SPATA31E1: variants seen among roughly 807,000 people sequenced by gnomAD.
The protein encoded by SPATA31E1 is SPATA31 subfamily E member 1.
In SPATA31E1, 7 loss-of-function variants were observed where a neutral mutation model predicts 12.9. That is an observed-to-expected ratio of 0.54 (90% CI 0.31 to 1.02). SPATA31E1 has a LOEUF of 1.02. Ranked by LOEUF, SPATA31E1 falls within the 50% of genes least tolerant of loss-of-function variation. SPATA31E1 has a pLI of 0.05. For synonymous variants in SPATA31E1, 771 were observed against 719.0 expected (o/e 1.07, Z -1.16); for missense variants, 1,961 against 1,799.8 (o/e 1.09, Z -1.62).
rs1369946226 is a variant in SPATA31E1, at chr9:87,887,057, C to T, written c.2570C>T (p.Pro857Leu). 6.2e-7 allele frequency: 1 copy of T among 1,613,938 alleles called. No individual in the cohort carries two copies. The highest frequency in any genetic ancestry group is 2.2e-5 in the East Asian group (1 of 44,878). ...SWGTDLQSLEPINVWSGEAQA... is the reference protein window; with the variant it reads ...SWGTDLQSLELINVWSGEAQA... ...GGTACAGACCTCCAGTCCCTGGAGC[C>T]CATAAATGTCTGGTCAGGTGAGGCT... is the stretch of plus-strand genomic sequence containing the variant. The change falls in exon 4 of 4, where the codon CCC becomes CTC. Residue 857 changes from proline to leucine, a missense_variant. By Grantham distance (98) the Pro-to-Leu change is moderately conservative. Transcript: ENST00000325643.
Position 87,883,987 on chromosome 9 carries a change from C to T in SPATA31E1, c.310-5C>T, listed in dbSNP as rs776969054. 2 of 1,605,008 alleles carry T rather than the reference C, an allele frequency of 1.2e-6. No individual in the cohort carries two copies. Among genetic ancestry groups the T allele is most frequent in the African/African-American group, 1.3e-5 (1 of 74,860 alleles). On this transcript the variant is annotated splice_region_variant and splice_polypyrimidine_tract_variant and intron_variant, in intron 1 of 3. Transcript: ENST00000325643. The stretch of plus-strand genomic sequence containing the variant: ...CCCAGCCCCTCATCCTTTCTTGCCT[C>T]TCAGCCTCAAAGGGAGAGAAGCGGG...
chr9:87,884,492 C>A, intron 2 of SPATA31E1, 99 bp from the exon 3 acceptor site: 1 of 1,268,988 alleles, frequency 7.9e-7, no homozygotes, highest in Non-Finnish European at 1.1e-6. Flanking sequence ...GCTTCAGGGT[C>A]TAGTCCCCCA....
In SPATA31E1 at chr9:87,887,080, G is replaced by A. The variant is rs148939056; in HGVS notation, c.2593G>A (p.Ala865Thr). Residue 865 changes from alanine to threonine, a missense_variant, in exon 4 of 4, where the codon GCT (alanine) becomes ACT (threonine). Coordinates refer to ENST00000325643, the MANE Select transcript of SPATA31E1 (RefSeq NM_178828.5). ...GCCCATAAATGTCTGGTCAGGTGAG[G>A]CTCAGGCCCCGCCCTTCCCACAATC... ...LEPINVWSGE[A>T]QAPPFPQSTF... is the part of the protein sequence containing the mutation. 8.7e-6 allele frequency: 14 copies of A among 1,613,954 alleles called. No individual in the cohort carries two copies. In the African/African-American group the frequency reaches 1.9e-4, roughly 22 times the overall value.
At position 87,888,142 on chromosome 9, in the gene SPATA31E1, T is replaced by C; in HGVS notation, c.3655T>C (p.Ser1219Pro). 1 of 1,610,196 alleles carries C rather than the reference T, an allele frequency of 6.2e-7. No individual in the cohort carries two copies. The highest frequency in any genetic ancestry group is 1.1e-5 in the South Asian group (1 of 90,814). The change falls in exon 4 of 4, where the codon TCC becomes CCC. Residue 1219 changes from serine (S) to proline (P), a missense_variant. Physicochemically the swap from Ser to Pro is moderately conservative, Grantham distance 74. Coordinates refer to ENST00000325643, the MANE Select transcript of SPATA31E1 (RefSeq NM_178828.5). ...RPRTGEQGHR[S>P]KGPRTSEASG... is the part of the protein sequence containing the mutation. ...CAGAACAGGGGAGCAGGGACACAGG[T>C]CCAAGGGACCCAGGACCTCTGAAGC...
rs760492743 is a variant in SPATA31E1 at position 87,885,128 on chromosome 9, G to A, written c.641G>A (p.Gly214Glu). 6.2e-7 allele frequency: 1 copy of A among 1,613,964 alleles called. No individual in the cohort carries two copies. The highest frequency in any genetic ancestry group is 1.3e-5 in the African/African-American group (1 of 74,894). The change falls in exon 4 of 4, where the codon GGA becomes GAA. Residue 214 changes from glycine to glutamate, a missense_variant. Gly to Glu is a moderately conservative substitution (Grantham distance 98). Coordinates refer to ENST00000325643, the MANE Select transcript of SPATA31E1 (RefSeq NM_178828.5). ...CCGATGACCTTCTCAGAGCCTTTTG[G>A]ACCACACTCAACCCTGAGTGCCTCC... ...PGPMTFSEPF[G>E]PHSTLSASGP... is the part of the protein sequence containing the mutation.
In SPATA31E1 at chr9:87,887,913, C is replaced by T. The variant is rs1215865864; in HGVS notation, c.3426C>T (p.Asp1142=). The T allele has an allele frequency of 1.2e-6, 2 of 1,613,906 alleles. No homozygotes were observed. Among genetic ancestry groups the T allele is most frequent in the East Asian group, 2.2e-5 (1 of 44,878 alleles). ...GRHMDMLTAA[D]RLPTQAPLST... is the part of the protein sequence containing the mutation. ...ACATGGACATGCTCACTGCCGCAGA[C>T]AGGCTGCCCACTCAAGCCCCTCTGT... Residue 1142 remains aspartate (D), a synonymous_variant, in exon 4 of 4, where the codon GAC becomes GAT. Transcript: ENST00000325643.
rs907882630 is a variant in SPATA31E1, at chr9:87,887,995, C to T, written c.3508C>T (p.Leu1170Phe). ...NMTASQGPCA[L>F]LWKGGDSPGQ... ...GACAGCTTCCCAGGGGCCATGTGCCCTCCTATGGAAGGGAGGGGACAGTCC... is the reference window on the plus strand; with the variant it reads ...GACAGCTTCCCAGGGGCCATGTGCCTTCCTATGGAAGGGAGGGGACAGTCC... Residue 1170 changes from leucine (L) to phenylalanine (F), a missense_variant, in exon 4 of 4, where the codon CTC (leucine) becomes TTC (phenylalanine). Transcript: ENST00000325643. The T allele has an allele frequency of 3.7e-6, 6 of 1,613,508 alleles. No individual in the cohort carries two copies. In the African/African-American group the frequency reaches 8.0e-5, roughly 22 times the overall value.
chr9:87,888,325 GGC>G lies in SPATA31E1; in HGVS notation c.3839_3840del (p.Gly1280AspfsTer34). 6.2e-7 allele frequency: 1 copy of G among 1,614,198 alleles called. No individual in the cohort carries two copies. Among genetic ancestry groups the G allele is most frequent in the Non-Finnish European group, 8.5e-7 (1 of 1,180,032 alleles). ...HPQGLHPRKG[G>X]TRWEDVLQKG... ...ACAGGGTCTACACCCCAGGAAAGGA[GGC>G]ACACGGTGGGAAGATGTCCTGCAGA... is the stretch of plus-strand genomic sequence containing the variant. On this transcript the variant is annotated frameshift_variant, in exon 4 of 4. Coordinates refer to ENST00000325643, the MANE Select transcript of SPATA31E1 (RefSeq NM_178828.5). LOFTEE classifies it low-confidence loss of function (END_TRUNC).
At chr9:87,884,503 T>C (rs1828226827) in intron 2 of SPATA31E1, 88 bp from the exon 3 acceptor site, 4 of 1,378,662 alleles carry the variant, frequency 2.9e-6, no homozygotes, top group Non-Finnish European at 3.1e-6. Context: ...TAGTCCCCCA[T>C]GGTGTCCCCT....
Position 87,887,341 on chromosome 9 carries a change from G to A in SPATA31E1, c.2854G>A (p.Gly952Arg), listed in dbSNP as rs148463799. ...TGGGCGATCAGAGGCCTTTCCGACT[G>A]GACACAAGGGCAGGGGGTGTTCTCA... The part of the protein sequence containing the change: ...THGRSEAFPT[G>R]HKGRGCSQPP... The change falls in exon 4 of 4, where the codon GGA (glycine) becomes AGA (arginine). Residue 952 changes from glycine (G) to arginine (R), a missense_variant. By Grantham distance (125) the Gly-to-Arg change is moderately radical (BLOSUM62 -2). Coordinates refer to ENST00000325643, the MANE Select transcript of SPATA31E1 (RefSeq NM_178828.5). 46 of 1,613,658 alleles carry A rather than the reference G, an allele frequency of 2.9e-5. No individual in the cohort carries two copies. Among genetic ancestry groups the A allele is most frequent in the Non-Finnish European group, 3.6e-5 (43 of 1,180,042 alleles).
chr9:87,886,551 G>A lies in SPATA31E1; in HGVS notation c.2064G>A (p.Arg688=). ...CTTCTGACTTTGCAGGGAAGGGCAGGAAGGATGTGCAGAAGACCGGGTTCA... is the reference window on the plus strand; with the variant it reads ...CTTCTGACTTTGCAGGGAAGGGCAGAAAGGATGTGCAGAAGACCGGGTTCA... The part of the protein sequence containing the change: ...SQPSDFAGKG[R]KDVQKTGFRS... The change falls in exon 4 of 4, where the codon AGG becomes AGA. Residue 688 remains arginine, a synonymous_variant. Transcript: ENST00000325643. 6.2e-7 allele frequency: 1 copy of A among 1,614,096 alleles called. No individual in the cohort carries two copies. Among genetic ancestry groups the A allele is most frequent in the Non-Finnish European group, 8.5e-7 (1 of 1,180,012 alleles).
chr9:87,887,143 G>A lies in SPATA31E1; in HGVS notation c.2656G>A (p.Glu886Lys). 2 of 1,614,048 alleles carry A rather than the reference G, an allele frequency of 1.2e-6. No homozygotes were observed. The highest frequency in any genetic ancestry group is 1.7e-6 in the Non-Finnish European group (2 of 1,180,018). The change falls in exon 4 of 4, where the codon GAA becomes AAA. Residue 886 changes from glutamate (E) to lysine (K), a missense_variant. Physicochemically the swap from Glu to Lys is moderately conservative, Grantham distance 56. Transcript: ENST00000325643. ...CTGGGCCTCCTGGGTATCTCGGGTT[G>A]AATCTGTACCCAAGGTTCCCATTTT... The part of the protein sequence containing the change: ...TPWASWVSRV[E>K]SVPKVPIFLG...
intron 1 of SPATA31E1, 64 bp downstream of exon 1, chr9:87,883,264 C>T (rs1011081765): frequency 3.6e-5 from 54 of 1,508,452 alleles, no homozygotes; most frequent in Non-Finnish European, 4.6e-5. Context: ...CCCTCATTTC[C>T]ACTTTTCCTA....
chr9:87,887,946 C>T lies in SPATA31E1; in HGVS notation c.3459C>T (p.Ser1153=). 1 of 1,613,900 alleles carries T rather than the reference C, an allele frequency of 6.2e-7. No individual in the cohort carries two copies. Among genetic ancestry groups the T allele is most frequent in the South Asian group, 1.1e-5 (1 of 91,088 alleles). ...CCACTCAAGCCCCTCTGTCCACCTC[C>T]CAGAGTGTGTCTGGTAAGAACATGA... ...RLPTQAPLST[S]QSVSGKNMTA... The change falls in exon 4 of 4, where the codon TCC becomes TCT. Residue 1153 remains serine (S), a synonymous_variant. Coordinates refer to ENST00000325643, the MANE Select transcript of SPATA31E1 (RefSeq NM_178828.5).
rs770957770 is a variant in SPATA31E1, at chr9:87,888,110, G to A, written c.3623G>A (p.Arg1208Lys). The A allele has an allele frequency of 1.9e-6, 3 of 1,604,666 alleles. No homozygotes were observed. Among genetic ancestry groups the A allele is most frequent in the Non-Finnish European group, 2.6e-6 (3 of 1,175,424 alleles). Residue 1208 changes from arginine (R) to lysine (K), a missense_variant, in exon 4 of 4, where the codon AGG becomes AAG. Transcript: ENST00000325643. The stretch of plus-strand genomic sequence containing the variant: ...TGTGCGGACAAGGGCGAGGCCCACA[G>A]GAGGCCCAGAACAGGGGAGCAGGGA... ...LGCADKGEAH[R>K]RPRTGEQGHR...
Position 87,885,395 on chromosome 9 carries a change from T to C in SPATA31E1, c.908T>C (p.Ile303Thr), listed in dbSNP as rs1297173476. 6.2e-7 allele frequency: 1 copy of C among 1,613,892 alleles called. No homozygotes were observed. Among genetic ancestry groups the C allele is most frequent in the East Asian group, 2.2e-5 (1 of 44,830 alleles). The change falls in exon 4 of 4, where the codon ATC (isoleucine) becomes ACC (threonine). Residue 303 changes from isoleucine (I) to threonine (T), a missense_variant. Physicochemically the swap from Ile to Thr is moderately conservative, Grantham distance 89. Transcript: ENST00000325643. The stretch of plus-strand genomic sequence containing the variant: ...GGCCTGGGGTGCTCCAGCGATCCCA[T>C]CTGGGACCTCTATTGCTGGAGGGAG... ...ISGLGCSSDP[I>T]WDLYCWREAA...
chr9:87,884,449 T>C lies in SPATA31E1; in HGVS notation c.365-142T>C, dbSNP rs1308418366. ...ACAGTGGAAACCTTCCTGTCACCAT[T>C]GGGGCCATGTGGCCTCGGACACAGA... On this transcript the variant is annotated intron_variant, in intron 2 of 3. Coordinates refer to ENST00000325643, the MANE Select transcript of SPATA31E1 (RefSeq NM_178828.5). 5 of 827,836 alleles carry C rather than the reference T, an allele frequency of 6.0e-6. No homozygotes were observed. In the Admixed American group the frequency reaches 1.1e-4, roughly 18 times the overall value. 51.3% of individuals were successfully genotyped at this position (827,836 alleles called of 1,614,324 possible). A position where few individuals can be genotyped will look rare whatever the true frequency, so the allele number is the denominator to read the frequency against.
In SPATA31E1 at chr9:87,887,412, T is replaced by A. The variant is rs1325600305; in HGVS notation, c.2925T>A (p.Thr975=). The A allele has an allele frequency of 1.2e-6, 2 of 1,613,694 alleles. No homozygotes were observed. The highest frequency in any genetic ancestry group is 1.7e-6 in the Non-Finnish European group (2 of 1,180,040). Residue 975 remains threonine (T), a synonymous_variant, in exon 4 of 4, where the codon ACT becomes ACA. Transcript: ENST00000325643. ...TGGGCAGAACCTGGCAGAGCAGGAC[T>A]GTCCTGGAATCCGGGAAACCCAAAC... is the stretch of plus-strand genomic sequence containing the variant. ...SLVGRTWQSR[T]VLESGKPKPR...
chr9:87,884,196 C>T lies in SPATA31E1; in HGVS notation c.364+150C>T, dbSNP rs372884889. 9 of 1,071,860 alleles carry T rather than the reference C, an allele frequency of 8.4e-6. No homozygotes were observed. In the African/African-American group the frequency reaches 1.3e-4, roughly 15 times the overall value. 66.4% of individuals were successfully genotyped at this position (1,071,860 alleles called of 1,614,324 possible). ...CAGATTCCCTGCGGGAATGAAGCCACGGGCCTGGGACCGGTATTGCCCATA... is the reference window on the plus strand; with the variant it reads ...CAGATTCCCTGCGGGAATGAAGCCATGGGCCTGGGACCGGTATTGCCCATA... On this transcript the variant is annotated intron_variant, in intron 2 of 3. Coordinates refer to ENST00000325643, the MANE Select transcript of SPATA31E1 (RefSeq NM_178828.5).
Sources: allele counts gnomAD v4.1 joint callset, GRCh38; gene constraint gnomAD v4.1.1; transcripts MANE v1.5; gene names NCBI Gene and HGNC (gene_info 2026-07-23, HGNC 2026-07-21).